Variants in SMYD3 observed in about 807,000 individuals in gnomAD.
SMYD3 encodes SET and MYND domain containing 3, also known as histone-lysine N-methyltransferase SMYD3.
SMYD3 carries 36 observed loss-of-function variants against 57.7 expected under a neutral mutation model. That is an observed-to-expected ratio of 0.62 (90% confidence interval 0.48 to 0.82). The LOEUF is 0.82. Among genes scored for constraint, SMYD3 ranks in the 40% least tolerant of loss-of-function variants. SMYD3 has a pLI of 0.00. For missense variants in SMYD3, 515 were observed against 538.8 expected (o/e 0.96, Z 0.44); for synonymous variants, 211 against 195.0 (o/e 1.08, Z -0.68).
intron 10 of SMYD3, among the ~76,000 whole-genome samples, chr1:245,775,722 A>T (rs1205189638): frequency 5.2e-5 from 7 of 134,892 alleles, no homozygotes; most frequent in South Asian, 2.2e-4. Context: ...TACTAAAAAA[A>T]AAAAAAAATA....
rs1177811834 is a variant in SMYD3 at position 246,107,814 on chromosome 1, G to A, written c.532-177877C>T. ...GATTTAACTCAAGACCAGAAACACA[G>A]GAGTAATTTTTAAAGACCCAAAAAC... is the stretch of plus-strand genomic sequence containing the variant. On this transcript the variant is annotated intron_variant, in intron 5 of 11. Coordinates refer to ENST00000490107, the MANE Select transcript of SMYD3 (RefSeq NM_001167740.2). 2.0e-5 allele frequency among the ~76,000 whole-genome samples: 3 copies of A among 152,140 alleles called. No individual in the cohort carries two copies. In the East Asian group the frequency reaches 5.8e-4, roughly 29 times the overall value.
intron 5 of SMYD3, among the ~76,000 whole-genome samples, chr1:246,287,297 C>G (rs1287959719): frequency 1.3e-5 from 2 of 152,092 alleles, no homozygotes; most frequent in Non-Finnish European, 2.9e-5. Flanking sequence ...ATATAGTTTT[C>G]GGAATAATAA....
chr1:245,993,688 G>A (rs983982727), intron 5 of SMYD3, among the ~76,000 whole-genome samples: 1 of 151,970 alleles, frequency 6.6e-6, no homozygotes, highest in Admixed American at 6.6e-5. Flanking sequence ...TTTACATGAG[G>A]GACCTAGAGT....
At chr1:246,215,205 T>A (rs1436791763) in intron 5 of SMYD3, among the ~76,000 whole-genome samples, 1 of 152,050 alleles carries the variant, frequency 6.6e-6, no homozygotes, top group African/African-American at 2.4e-5. Context: ...AATAAAACAG[T>A]TTCGCAATCT....
chr1:245,993,579 AAGATAGAT>A (rs1210624302), intron 5 of SMYD3, among the ~76,000 whole-genome samples: 1,112 of 29,940 alleles, frequency 0.037, 15 homozygotes, highest in South Asian at 0.093. Context: ...AAAAAAAAAA[AAGATAGAT>A]AGATAGATAG....
At chr1:245,770,691 A>G (rs2046298602) in intron 10 of SMYD3, among the ~76,000 whole-genome samples, 3 of 152,224 alleles carry the variant, frequency 2.0e-5, no homozygotes, top group Admixed American at 1.3e-4. Context: ...TAAGACCTAC[A>G]GGTACTGAAA....
At chr1:246,138,571 T>A (rs71533461) in intron 5 of SMYD3, among the ~76,000 whole-genome samples, 12 of 72,004 alleles carry the variant, frequency 1.7e-4, no homozygotes, top group African/African-American at 2.8e-4. Context: ...GACTGCAGGC[T>A]CCCGCCACCA....
At chr1:245,837,322 A>G (rs2050153547) in intron 10 of SMYD3, among the ~76,000 whole-genome samples, 1 of 151,926 alleles carries the variant, frequency 6.6e-6, no homozygotes, top group South Asian at 2.1e-4. Context: ...CGGGTCCTAG[A>G]AATCCCCCGT....
chr1:246,456,217 C>T (rs189327067), intron 1 of SMYD3, among the ~76,000 whole-genome samples: 29 of 152,320 alleles, frequency 1.9e-4, no homozygotes, highest in Non-Finnish European at 3.8e-4. Context: ...CTACCTTCTC[C>T]AGGAATATCT....
intron 5 of SMYD3, among the ~76,000 whole-genome samples, chr1:246,086,232 A>G (rs546833670): frequency 1.3e-5 from 2 of 152,114 alleles, no homozygotes; most frequent in Non-Finnish European, 2.9e-5. Flanking sequence ...TGGACCCTGT[A>G]TGGATTTTTG....
intron 2 of SMYD3, among the ~76,000 whole-genome samples, chr1:246,336,844 A>T (rs2065551858): frequency 6.6e-6 from 1 of 152,242 alleles, no homozygotes; most frequent in Non-Finnish European, 1.5e-5. Flanking sequence ...ATTACATTTG[A>T]GTATTTGTAC....
At chr1:246,260,551 A>C (rs1428854721) in intron 5 of SMYD3, among the ~76,000 whole-genome samples, 1 of 151,832 alleles carries the variant, frequency 6.6e-6, no homozygotes, top group Non-Finnish European at 1.5e-5. Flanking sequence ...CCCAAGTTCA[A>C]GCGATTCTCC....
chr1:246,132,016 GAATGTTGAAATTC>G (rs1362861951), intron 5 of SMYD3, among the ~76,000 whole-genome samples: 1 of 152,098 alleles, frequency 6.6e-6, no homozygotes, highest in Admixed American at 6.6e-5. Context: ...ACTGAAAAAT[GAATGTTGAAATTC>G]AATTTTTAGC....
intron 8 of SMYD3, among the ~76,000 whole-genome samples, chr1:245,889,997 T>A (rs1558462067): frequency 6.6e-6 from 1 of 151,632 alleles, no homozygotes; most frequent in Admixed American, 6.6e-5. Flanking sequence ...GGAAGGATAG[T>A]CTTCAATAAA....
chr1:246,228,138 T>G (rs566677193), intron 5 of SMYD3, among the ~76,000 whole-genome samples: 31 of 151,938 alleles, frequency 2.0e-4, no homozygotes, highest in Non-Finnish European at 3.8e-4. Flanking sequence ...ACCGGCTAAT[T>G]TTTGTATTTT....
intron 7 of SMYD3, among the ~76,000 whole-genome samples, chr1:245,927,327 T>C (rs1572710622): frequency 6.6e-6 from 1 of 151,906 alleles, no homozygotes; most frequent in African/African-American, 2.4e-5. Context: ...ACTGGAGGGG[T>C]CAAGGCCAGT....
At chr1:246,468,549 G>A (rs1167983708) in intron 1 of SMYD3, among the ~76,000 whole-genome samples, 1 of 151,910 alleles carries the variant, frequency 6.6e-6, no homozygotes, top group Non-Finnish European at 1.5e-5. Context: ...GCTGAGGCAG[G>A]AGAATCACTT....
chr1:245,926,192 C>A (rs1392183460), intron 7 of SMYD3, among the ~76,000 whole-genome samples: 1 of 152,190 alleles, frequency 6.6e-6, no homozygotes, highest in Non-Finnish European at 1.5e-5. Context: ...TCCACCTCCA[C>A]AAAGCATCAG....
chr1:245,890,705 C>A (rs765130519), intron 8 of SMYD3, among the ~76,000 whole-genome samples: 1 of 152,188 alleles, frequency 6.6e-6, no homozygotes, highest in Admixed American at 6.5e-5. Context: ...ATTGATCCAG[C>A]AATCTCACTG....
Sources: gnomAD v4.1 joint callset for allele counts (sites outside exome capture counted in the v4.1 genomes callset) on GRCh38, gnomAD v4.1.1 for gene constraint, MANE v1.5 for transcripts, NCBI Gene and HGNC (gene_info 2026-07-23, HGNC 2026-07-21) for gene names.